The following PCDHA1 variants were observed in gnomAD, a reference collection of about 807,000 sequenced individuals.
PCDHA1 encodes protocadherin alpha-1.
PCDHA1 carries 42 observed loss-of-function variants against 61.3 expected under a neutral mutation model. The ratio of observed to expected loss-of-function variants is 0.69; its 90% CI spans 0.54 to 0.89. PCDHA1 has a LOEUF of 0.89. Among genes scored for constraint, PCDHA1 ranks in the 40% least tolerant of loss-of-function variants. The pLI is 0.00. For synonymous variants in PCDHA1, 610 were observed against 553.8 expected (o/e 1.10, Z -1.43); for missense variants, 1,256 against 1,235.3 (o/e 1.02, Z -0.25).
At chr5:140,901,022 A>G (rs2068415143) in intron 1 of PCDHA1, among the ~76,000 whole-genome samples, 1 of 152,166 alleles carries the variant, frequency 6.6e-6, no homozygotes, top group Non-Finnish European at 1.5e-5. Flanking sequence ...AGAAACATCT[A>G]TTCAACTCTT....
intron 1 of PCDHA1, among the ~76,000 whole-genome samples, chr5:140,790,270 G>T (rs1188289204): frequency 6.6e-6 from 1 of 152,152 alleles, no homozygotes; most frequent in Non-Finnish European, 1.5e-5. Context: ...CATTGTATTT[G>T]GTAGTCATTC....
intron 1 of PCDHA1, chr5:140,875,435 A>G (rs1562696598): frequency 6.4e-7 from 1 of 1,563,788 alleles, no homozygotes; most frequent in East Asian, 2.3e-5. Context: ...GATCCCTTAA[A>G]ACTGATTGTC....
chr5:140,967,385 C>G (rs2096135382), intron 1 of PCDHA1: 1 of 1,608,920 alleles, frequency 6.2e-7, no homozygotes, highest in African/African-American at 1.3e-5. Flanking sequence ...CAGTAAAGTG[C>G]TTGAGCTGGT....
At chr5:140,869,729 A>T (rs1554163384) in intron 1 of PCDHA1, 2 of 1,613,280 alleles carry the variant, frequency 1.2e-6, no homozygotes, top group Non-Finnish European at 1.7e-6. Context: ...CCGGAACTTA[A>T]TTTGCTGCTA....
rs1297383367 is a variant in PCDHA1 at position 140,898,744 on chromosome 5, G to T, written c.2395-80205G>T. ...CTGTGAAGAAAGTCATTGGTAGCTT[G>T]ATGGGGATGGCATTGAATCTGTAAA... is the stretch of plus-strand genomic sequence containing the variant. On this transcript the variant is annotated intron_variant, in intron 1 of 3. Coordinates refer to ENST00000504120, the MANE Select transcript of PCDHA1 (RefSeq NM_018900.4). 1.1e-4 allele frequency among the ~76,000 whole-genome samples: 17 copies of T among 152,248 alleles called. 2 individuals are homozygous for T. Among genetic ancestry groups the T allele is most frequent in the East Asian group, 7.7e-4 (4 of 5,188 alleles).
At chr5:140,796,890 CCCTCGACACCG>C in intron 1 of PCDHA1, 2 of 1,613,974 alleles carry the variant, frequency 1.2e-6, no homozygotes, top group Non-Finnish European at 1.7e-6. Flanking sequence ...AGGCTGACTC[CCCTCGACACCG>C]CCTACTCGTG....
intron 1 of PCDHA1, chr5:140,841,314 T>C (rs2150313381): frequency 7.6e-6 from 12 of 1,583,242 alleles, no homozygotes; most frequent in Non-Finnish European, 1.0e-5. Flanking sequence ...AGGAAACGAC[T>C]ATTTAACATG....
intron 1 of PCDHA1, among the ~76,000 whole-genome samples, chr5:140,833,179 G>T (rs928347111): frequency 6.6e-6 from 1 of 152,198 alleles, no homozygotes; most frequent in Non-Finnish European, 1.5e-5. Flanking sequence ...GAAGATGACT[G>T]CAAGGATTAA....
chr5:140,942,906 G>A (rs1454697434), intron 1 of PCDHA1, among the ~76,000 whole-genome samples: 1 of 151,800 alleles, frequency 6.6e-6, no homozygotes, highest in South Asian at 2.1e-4. Flanking sequence ...CTAAGAATAA[G>A]CGTGAAGAAA....
chr5:140,841,492 G>T, intron 1 of PCDHA1: 1 of 1,613,200 alleles, frequency 6.2e-7, no homozygotes. Flanking sequence ...TGGAGCTGGC[G>T]GAGCTGGTGC....
intron 1 of PCDHA1, chr5:140,822,151 A>C (rs2150114092): frequency 3.1e-6 from 5 of 1,614,248 alleles, no homozygotes; most frequent in Non-Finnish European, 4.2e-6. Context: ...GAAGGACATC[A>C]ATGACAATCC....
chr5:140,925,395 GCCT>G (rs2082476248), intron 1 of PCDHA1, among the ~76,000 whole-genome samples: 1 of 151,998 alleles, frequency 6.6e-6, no homozygotes, highest in Non-Finnish European at 1.5e-5. Flanking sequence ...CTTTTGGCTC[GCCT>G]CCTTCTTAGG....
intron 1 of PCDHA1, chr5:140,849,824 G>C: frequency 6.3e-7 from 1 of 1,598,646 alleles, no homozygotes; most frequent in East Asian, 2.2e-5. Context: ...GGGTGTCTGT[G>C]GAGGTGGCCG....
intron 1 of PCDHA1, chr5:140,807,238 A>G (rs1562206835): frequency 2.5e-6 from 4 of 1,614,010 alleles, no homozygotes; most frequent in Non-Finnish European, 3.4e-6. Context: ...TGCTGCTCTT[A>G]CTTCTTCTCC....
At chr5:140,828,808 T>G (rs2150159222) in intron 1 of PCDHA1, 1 of 1,614,144 alleles carries the variant, frequency 6.2e-7, no homozygotes, top group East Asian at 2.2e-5. Context: ...ATGATAATGC[T>G]CCCACTTTCG....
intron 1 of PCDHA1, among the ~76,000 whole-genome samples, chr5:140,937,911 CAAAA>C (rs200797202): frequency 8.5e-6 from 1 of 117,894 alleles, no homozygotes; most frequent in Non-Finnish European, 1.9e-5. Context: ...GACTCCGTCT[CAAAA>C]AAAAAAAAAA....
At chr5:140,927,672 A>G in intron 1 of PCDHA1, 1 of 1,614,202 alleles carries the variant, frequency 6.2e-7, no homozygotes, top group Non-Finnish European at 8.5e-7. Flanking sequence ...CCTTGGATCC[A>G]GATGAAGGGT....
At chr5:140,796,925 A>G in intron 1 of PCDHA1, 1 of 1,613,844 alleles carries the variant, frequency 6.2e-7, no homozygotes, top group Non-Finnish European at 8.5e-7. Context: ...GTGAAGGACC[A>G]CGGCGAACCA....
At chr5:140,943,266 AAAAAAAAAAAAG>A (rs2093453056) in intron 1 of PCDHA1, among the ~76,000 whole-genome samples, 1 of 150,226 alleles carries the variant, frequency 6.7e-6, no homozygotes, top group African/African-American at 2.5e-5. Context: ...TCAAAAAAAA[AAAAAAAAAAAAG>A]AAAGAAAGAA....
Sources: gnomAD v4.1 joint callset for allele counts (sites outside exome capture counted in the v4.1 genomes callset) on GRCh38, gnomAD v4.1.1 for gene constraint, MANE v1.5 for transcripts, NCBI Gene and HGNC (gene_info 2026-07-23, HGNC 2026-07-21) for gene names.